The following ITPR1 variants were observed in gnomAD, a reference collection of about 807,000 sequenced individuals.
The protein encoded by ITPR1 is inositol 1,4,5-trisphosphate receptor type 1, also known as inositol 1,4,5-trisphosphate-gated calcium channel ITPR1.
Under a neutral mutation model 318.4 loss-of-function variants are expected in ITPR1, and 96 were observed. That is an observed-to-expected ratio of 0.30 (90% CI 0.26 to 0.36). The LOEUF is 0.36. ITPR1 is among the 10% of genes least tolerant of loss of function. The pLI is 1.00. For missense variants in ITPR1, 2,440 were observed against 3,460.2 expected (o/e 0.71, Z 7.40); for synonymous variants, 1,312 against 1,289.9 (o/e 1.02, Z -0.37).
chr3:4,679,008 C>G lies in ITPR1; in HGVS notation c.2968-1545C>G, dbSNP rs557346597. On this transcript the variant is annotated intron_variant, in intron 24 of 61. Transcript: ENST00000649015. ...AACATAAGAACAAGTGGTTAGGAGG[C>G]TGATTTGGTGAATTTGGTTCTGTAA... is the stretch of plus-strand genomic sequence containing the variant. Among the ~76,000 whole-genome samples the G allele has an allele frequency of 1.0e-3, 152 of 152,228 alleles. 1 individual carries two copies. The highest frequency in any genetic ancestry group is 3.5e-3 in the African/African-American group (145 of 41,540).
intron 29 of ITPR1, 24 bp from the exon 30 acceptor site, chr3:4,685,045 G>C: frequency 2.5e-6 from 4 of 1,602,078 alleles, no homozygotes; most frequent in Non-Finnish European, 3.4e-6. Flanking sequence ...AGTTTTCTGA[G>C]ACTGATTTCT....
intron 4 of ITPR1, among the ~76,000 whole-genome samples, chr3:4,545,215 T>C (rs1275255954): frequency 1.3e-5 from 2 of 152,268 alleles, no homozygotes; most frequent in Admixed American, 6.5e-5. Context: ...GTTTAAACTT[T>C]AATATTTATT....
intron 4 of ITPR1, among the ~76,000 whole-genome samples, chr3:4,536,611 T>C (rs1048827675): frequency 6.6e-6 from 1 of 152,250 alleles, no homozygotes; most frequent in South Asian, 2.1e-4. Context: ...TGGAGAATGT[T>C]GAATCCCAGA....
chr3:4,548,558 G>A (rs1294055695), intron 4 of ITPR1, among the ~76,000 whole-genome samples: 3 of 152,142 alleles, frequency 2.0e-5, no homozygotes, highest in Non-Finnish European at 2.9e-5. Flanking sequence ...AAATGTACAG[G>A]TAGTGATGAA....
chr3:4,623,130 C>A (rs981491197), intron 4 of ITPR1, among the ~76,000 whole-genome samples: 2 of 152,194 alleles, frequency 1.3e-5, no homozygotes, highest in Admixed American at 1.3e-4. Context: ...GCTCCCCTTG[C>A]TCCCATCTCC....
chr3:4,690,997 A>G (rs2094471442), intron 31 of ITPR1, 147 bp from the exon 32 acceptor site: 2 of 509,166 alleles, frequency 3.9e-6, no homozygotes, highest in Admixed American at 7.3e-5. Context: ...AAGGTAGTAC[A>G]GAAGCAAGAA....
At chr3:4,598,455 A>T (rs1357588992) in intron 4 of ITPR1, among the ~76,000 whole-genome samples, 1 of 152,082 alleles carries the variant, frequency 6.6e-6, no homozygotes, top group African/African-American at 2.4e-5. Flanking sequence ...CCCCGTCTCT[A>T]CAAAAAAATA....
intron 53 of ITPR1, among the ~76,000 whole-genome samples, chr3:4,798,101 C>T (rs769315438): frequency 7.9e-5 from 12 of 152,122 alleles, no homozygotes; most frequent in Non-Finnish European, 1.2e-4. Context: ...GTACTGGTCA[C>T]ATTGATGATA....
At chr3:4,545,269 A>G (rs905641513) in intron 4 of ITPR1, among the ~76,000 whole-genome samples, 8 of 152,208 alleles carry the variant, frequency 5.3e-5, no homozygotes, top group Admixed American at 2.6e-4. Flanking sequence ...CCCAGAAAGC[A>G]GTGTGGAAAC....
Position 4,516,529 on chromosome 3 carries a change from A to C in ITPR1, c.38A>C (p.Asp13Ala). The change falls in exon 3 of 62, where the codon GAC becomes GCC. Residue 13 changes from aspartate to alanine, a missense_variant. Around this residue, in one of 23 missense-constraint regions of ITPR1, gnomAD observed 186 missense variants for 323.9 expected, o/e 0.57. Transcript: ENST00000649015. ...ATGTCTAGCTTCCTACATATTGGAG[A>C]CATTTGTTCTCTGTACGCGGAGGGA... ...DKMSSFLHIG[D>A]ICSLYAEGST... 6.3e-7 allele frequency: 1 copy of C among 1,599,866 alleles called. No individual in the cohort carries two copies. The highest frequency in any genetic ancestry group is 8.5e-7 in the Non-Finnish European group (1 of 1,174,656).
rs774836136 is a variant in ITPR1, at chr3:4,693,558, G to A, written c.4098G>A (p.Gln1366=). The part of the protein sequence containing the change: ...NDRASFQTLI[Q]MMRSERDRMD... ...GAGCCTCTTTCCAGACTCTGATCCA[G>A]ATGATGCGGTCAGAACGGGATCGGA... The change falls in exon 33 of 62, where the codon CAG becomes CAA. Residue 1366 remains glutamine, a synonymous_variant. Transcript: ENST00000649015. The A allele has an allele frequency of 1.2e-6, 2 of 1,613,896 alleles. No individual in the cohort carries two copies. The highest frequency in any genetic ancestry group is 1.7e-5 in the Admixed American group (1 of 60,006).
chr3:4,661,171 G>T, intron 14 of ITPR1, 84 bp downstream of exon 14: 1 of 741,930 alleles, frequency 1.3e-6, no homozygotes, highest in South Asian at 1.8e-5. Flanking sequence ...AGGGAGTATG[G>T]AGCGTGGAGA....
intron 12 of ITPR1, among the ~76,000 whole-genome samples, chr3:4,657,074 A>C (rs1223855162): frequency 1.3e-5 from 2 of 152,154 alleles, no homozygotes; most frequent in African/African-American, 4.8e-5. Context: ...CTCTCAGCCA[A>C]ATCCCTGATG....
chr3:4,731,496 A>T (rs1443249572), intron 42 of ITPR1, among the ~76,000 whole-genome samples: 1 of 152,222 alleles, frequency 6.6e-6, no homozygotes, highest in East Asian at 1.9e-4. Flanking sequence ...TTGCTGAACT[A>T]TGAAGAGAGG....
chr3:4,668,299 C>T lies in ITPR1; in HGVS notation c.1886+750C>T, dbSNP rs550663984. ...TCTTTCCCAGCCTCTGGTAACCATC[C>T]TTCTACTCTGTGTCCATGAGTTCAA... On this transcript the variant is annotated intron_variant, in intron 18 of 61. Transcript: ENST00000649015. Among the ~76,000 whole-genome samples the T allele has an allele frequency of 2.0e-5, 3 of 150,740 alleles. No homozygotes were observed. In the East Asian group the frequency reaches 5.8e-4, roughly 29 times the overall value.
intron 44 of ITPR1, chr3:4,750,239 A>G (rs1462817394): frequency 1.4e-5 from 2 of 145,618 alleles, no homozygotes; most frequent in African/African-American, 2.5e-5. Flanking sequence ...GAGCTGGTGG[A>G]TTTTTTTTTT....
chr3:4,621,121 G>A (rs1411935886), intron 4 of ITPR1, among the ~76,000 whole-genome samples: 1 of 151,928 alleles, frequency 6.6e-6, no homozygotes, highest in African/African-American at 2.4e-5. Context: ...TTTCTTGGTA[G>A]GTACCATCAC....
At chr3:4,598,228 A>G (rs181945657) in intron 4 of ITPR1, among the ~76,000 whole-genome samples, 25 of 152,316 alleles carry the variant, frequency 1.6e-4, no homozygotes, top group African/African-American at 5.8e-4. Flanking sequence ...TGCATGTCAT[A>G]TGGTAGTAAT....
At chr3:4,642,849 C>A (rs770964787) in intron 7 of ITPR1, among the ~76,000 whole-genome samples, 2 of 152,148 alleles carry the variant, frequency 1.3e-5, no homozygotes, top group African/African-American at 4.8e-5. Flanking sequence ...TCAGCCATTA[C>A]GTGGGCATAT....
Sources: gnomAD v4.1 joint callset for allele counts (sites outside exome capture counted in the v4.1 genomes callset) on GRCh38, gnomAD v4.1.1 for gene constraint, gnomAD v4.1.1 regional missense constraint, MANE v1.5 for transcripts, NCBI Gene and HGNC (gene_info 2026-07-23, HGNC 2026-07-21) for gene names.